The following BMPER variants were observed in gnomAD, a reference collection of about 807,000 sequenced individuals.
The protein encoded by BMPER is BMP-binding endothelial regulator protein.
Under a neutral mutation model 87.3 loss-of-function variants are expected in BMPER, and 45 were observed. The observed-to-expected ratio is 0.52, with a 90% CI of 0.41 to 0.66. BMPER has a LOEUF of 0.66. Ranked by LOEUF, BMPER falls within the 30% of genes least tolerant of loss-of-function variation. BMPER has a pLI of 0.00. For synonymous variants in BMPER, 326 were observed against 316.2 expected, an observed-to-expected ratio of 1.03 and a Z score of -0.33; for missense variants, 784 against 867.5, an observed-to-expected ratio of 0.90 and a Z score of 1.21.
At chr7:34,068,071 C>CCAG (rs144530982) in intron 11 of BMPER, among the ~76,000 whole-genome samples, 28,786 of 151,862 alleles carry the variant, frequency 0.19, 2,859 homozygotes, top group Middle Eastern at 0.25. Context: ...GTAGTACCCA[C>CCAG]CAGCAGCAGC....
chr7:34,037,685 A>G (rs1326185119), intron 6 of BMPER, among the ~76,000 whole-genome samples: 1 of 152,196 alleles, frequency 6.6e-6, no homozygotes, highest in Admixed American at 6.5e-5. Flanking sequence ...GTTGGCAACA[A>G]AGACAGTTTT....
rs917162801 is a variant in BMPER, at chr7:34,092,062, G to C, written c.1745+5970G>C. 2.0e-5 allele frequency among the ~76,000 whole-genome samples: 3 copies of C among 152,024 alleles called. No individual in the cohort carries two copies. In the South Asian group the frequency reaches 6.2e-4, roughly 32 times the overall value. The stretch of plus-strand genomic sequence containing the variant: ...CACTGGCATCCTCTCTGATCTCCTT[G>C]TGACTTTTGCTGTCCCCAATTCTGA... On this transcript the variant is annotated intron_variant, in intron 13 of 14. Transcript: ENST00000649409.
chr7:34,000,621 T>A (rs1199741654), intron 6 of BMPER, among the ~76,000 whole-genome samples: 1 of 152,100 alleles, frequency 6.6e-6, no homozygotes, highest in Non-Finnish European at 1.5e-5. Flanking sequence ...GGGAAAAGTA[T>A]TAAAAAATAC....
chr7:33,996,089 A>C (rs1344828494), intron 6 of BMPER, among the ~76,000 whole-genome samples: 1 of 152,230 alleles, frequency 6.6e-6, no homozygotes, highest in Non-Finnish European at 1.5e-5. Flanking sequence ...AATAGGACCT[A>C]TGAAGCTATT....
chr7:34,147,911 G>C (rs1791071885), intron 14 of BMPER, among the ~76,000 whole-genome samples: 1 of 152,160 alleles, frequency 6.6e-6, no homozygotes, highest in Non-Finnish European at 1.5e-5. Flanking sequence ...GTAAATGAGG[G>C]CTCAGGTCAG....
At chr7:34,009,092 G>T (rs1786811997) in intron 6 of BMPER, among the ~76,000 whole-genome samples, 1 of 151,862 alleles carries the variant, frequency 6.6e-6, no homozygotes, top group Admixed American at 6.6e-5. Flanking sequence ...TGAAAGTCCT[G>T]GGATTATAGG....
At chr7:33,978,478 C>G (rs1376724883) in intron 6 of BMPER, among the ~76,000 whole-genome samples, 1 of 152,202 alleles carries the variant, frequency 6.6e-6, no homozygotes, top group Non-Finnish European at 1.5e-5. Context: ...GTGTAAAATT[C>G]ATACCTCAGA....
chr7:33,987,243 T>A (rs1296532325), intron 6 of BMPER, among the ~76,000 whole-genome samples: 1 of 152,152 alleles, frequency 6.6e-6, no homozygotes, highest in Admixed American at 6.5e-5. Context: ...AGTGCTCCTG[T>A]GGGCCTGTGA....
chr7:34,057,217 T>C (rs1346575919), intron 9 of BMPER, among the ~76,000 whole-genome samples: 1 of 152,172 alleles, frequency 6.6e-6, no homozygotes, highest in Non-Finnish European at 1.5e-5. Flanking sequence ...AATCCTTGTT[T>C]TGTTTTCAGC....
chr7:34,068,778 C>G (rs902843367), intron 11 of BMPER, among the ~76,000 whole-genome samples: 7 of 152,160 alleles, frequency 4.6e-5, no homozygotes, highest in Non-Finnish European at 5.9e-5. Flanking sequence ...GCCTTTGGAG[C>G]TCATCACCAT....
intron 6 of BMPER, among the ~76,000 whole-genome samples, chr7:34,001,991 G>T (rs1382181003): frequency 6.6e-6 from 1 of 151,024 alleles, no homozygotes; most frequent in Non-Finnish European, 1.5e-5. Context: ...TTCTTTTATT[G>T]ACTTTCAATT....
intron 2 of BMPER, among the ~76,000 whole-genome samples, chr7:33,925,758 A>T (rs902458373): frequency 6.6e-6 from 1 of 152,184 alleles, no homozygotes; most frequent in African/African-American, 2.4e-5. Context: ...GCTACACTTC[A>T]CTTGGAGTGC....
chr7:34,045,723 C>A (rs2127957472), intron 6 of BMPER, among the ~76,000 whole-genome samples: 1 of 152,282 alleles, frequency 6.6e-6, no homozygotes, highest in South Asian at 2.1e-4. Flanking sequence ...AGGTTGGCCA[C>A]TTCATCTACC....
rs537730934 is a variant in BMPER, at chr7:33,911,326, C to T, written c.219+4423C>T. Among the ~76,000 whole-genome samples the T allele has an allele frequency of 8.5e-5, 13 of 152,308 alleles. No homozygotes were observed. In the South Asian group the frequency reaches 2.5e-3, roughly 29 times the overall value. On this transcript the variant is annotated intron_variant, in intron 2 of 14. Coordinates refer to ENST00000649409, the MANE Select transcript of BMPER (RefSeq NM_001365308.1). ...AGGCTCAGAGAAGTAGAGCAAATCTCGTGAGATCACACAGTTACTAAGAGA... is the reference window on the plus strand; with the variant it reads ...AGGCTCAGAGAAGTAGAGCAAATCTTGTGAGATCACACAGTTACTAAGAGA...
Position 34,046,389 on chromosome 7 carries a change from C to T in BMPER, c.660C>T (p.Cys220=). Residue 220 remains cysteine, a synonymous_variant, in exon 7 of 15, where the codon TGC becomes TGT. Coordinates refer to ENST00000649409, the MANE Select transcript of BMPER (RefSeq NM_001365308.1). Reference sequence around the variant, plus strand: ...TTAGTCACATACCCCCAGGACAGTGCTGCCCCAAATGTTTGGGTGAGTTAC... The same window carrying T: ...TTAGTCACATACCCCCAGGACAGTGTTGCCCCAAATGTTTGGGTGAGTTAC... ...QHLSHIPPGQ[C]CPKCLGQRKV... 1 of 1,613,874 alleles carries T rather than the reference C, an allele frequency of 6.2e-7. No homozygotes were observed. The highest frequency in any genetic ancestry group is 8.5e-7 in the Non-Finnish European group (1 of 1,179,762).
At chr7:33,945,132 A>G (rs187801526) in intron 3 of BMPER, among the ~76,000 whole-genome samples, 2,812 of 151,778 alleles carry the variant, frequency 0.019, 39 homozygotes, top group Non-Finnish European at 0.03. Flanking sequence ...TAGTAGAGAC[A>G]GGGTTTCACC....
Position 34,121,822 on chromosome 7 carries a change from A to G in BMPER, c.1746-21408A>G, listed in dbSNP as rs531455680. ...CAAATCCAGTGCATTGTGAAGTACC[A>G]AAGAAATACAGAGCAAAGGCCAGGT... On this transcript the variant is annotated intron_variant, in intron 13 of 14. Coordinates refer to ENST00000649409, the MANE Select transcript of BMPER (RefSeq NM_001365308.1). Among the ~76,000 whole-genome samples the G allele has an allele frequency of 1.4e-3, 211 of 152,326 alleles. 6 individuals are homozygous for G. The South Asian group carries it at 0.042, about 30-fold the overall frequency.
chr7:33,936,053 A>C (rs536722360), intron 2 of BMPER, among the ~76,000 whole-genome samples: 11 of 151,796 alleles, frequency 7.2e-5, no homozygotes, highest in Non-Finnish European at 1.3e-4. Context: ...ATGCACACCC[A>C]CACACACACA....
At chr7:33,947,263 T>C (rs1240291363) in intron 3 of BMPER, among the ~76,000 whole-genome samples, 1 of 152,216 alleles carries the variant, frequency 6.6e-6, no homozygotes, top group Non-Finnish European at 1.5e-5. Flanking sequence ...ATAATGTGTT[T>C]GTTATCTGAA....
Sources: gnomAD v4.1 joint callset for allele counts (sites outside exome capture counted in the v4.1 genomes callset) on GRCh38, gnomAD v4.1.1 for gene constraint, MANE v1.5 for transcripts, NCBI Gene and HGNC (gene_info 2026-07-23, HGNC 2026-07-21) for gene names.